Variants in PCNX1 observed in about 807,000 individuals in gnomAD.
PCNX1 encodes pecanex-like protein 1.
Under a neutral mutation model 242.2 loss-of-function variants are expected in PCNX1, and 78 were observed. The ratio of observed to expected loss-of-function variants is 0.32; its 90% CI spans 0.27 to 0.39. The LOEUF (loss-of-function observed/expected upper bound fraction) is 0.39, where lower values mean the gene tolerates loss of function less well. Ranked by LOEUF, PCNX1 falls within the 10% of genes least tolerant of loss-of-function variation. The pLI is 1.00. For missense variants in PCNX1, 2,581 were observed against 2,856.5 expected (o/e 0.90, Z 2.20); for synonymous variants, 1,024 against 1,032.9 (o/e 0.99, Z 0.17).
chr14:70,923,472 A>G (rs1321278936), intron 1 of PCNX1, among the ~76,000 whole-genome samples: 1 of 152,202 alleles, frequency 6.6e-6, no homozygotes, highest in Non-Finnish European at 1.5e-5. Context: ...TTAAAAACCA[A>G]CAAAACTCCA....
chr14:71,087,296 T>C (rs1211229800), intron 28 of PCNX1, among the ~76,000 whole-genome samples: 2 of 152,216 alleles, frequency 1.3e-5, no homozygotes, highest in Admixed American at 1.3e-4. Context: ...AGAGGTAATA[T>C]GTCTTTAGAA....
At chr14:71,052,689 C>T (rs1378385841) in intron 24 of PCNX1, among the ~76,000 whole-genome samples, 2 of 152,084 alleles carry the variant, frequency 1.3e-5, no homozygotes, top group Non-Finnish European at 2.9e-5. Context: ...AAATACCTGG[C>T]TATTTCTAAA....
intron 1 of PCNX1, among the ~76,000 whole-genome samples, chr14:70,925,725 C>A (rs970977383): frequency 9.2e-5 from 14 of 151,992 alleles, no homozygotes; most frequent in Non-Finnish European, 1.8e-4. Flanking sequence ...TACCCATGCA[C>A]CATATGCTTT....
chr14:70,939,933 C>CA (rs1430995835), intron 1 of PCNX1, among the ~76,000 whole-genome samples: 1 of 152,152 alleles, frequency 6.6e-6, no homozygotes, highest in African/African-American at 2.4e-5. Context: ...TCTGTCTTAT[C>CA]AGAGACTAGG....
rs962024863 is a variant in PCNX1 at position 70,978,266 on chromosome 14, A to G, written c.1929A>G (p.Leu643=). Residue 643 remains leucine (L), a synonymous_variant, in exon 6 of 36, where the codon CTA becomes CTG. Transcript: ENST00000304743. ...CQSPEGRYSA[L]KTKHTHKERG... ...CTCCTGAGGGCAGATACAGTGCTCT[A>G]AAGACCAAACACACTCATAAAGAAA... The G allele has an allele frequency of 1.2e-5, 19 of 1,614,142 alleles. No homozygotes were observed. The highest frequency in any genetic ancestry group is 1.6e-5 in the Non-Finnish European group (19 of 1,180,018).
intron 28 of PCNX1, among the ~76,000 whole-genome samples, chr14:71,077,505 C>T (rs960858939): frequency 6.6e-6 from 1 of 152,290 alleles, no homozygotes; most frequent in South Asian, 2.1e-4. Flanking sequence ...TAGAGTAAGA[C>T]AGCCATCATA....
intron 13 of PCNX1, among the ~76,000 whole-genome samples, chr14:71,023,982 A>C (rs1395273053): frequency 6.6e-6 from 1 of 152,150 alleles, no homozygotes; most frequent in East Asian, 1.9e-4. Flanking sequence ...ATATTTTTGA[A>C]GTGTAATGAT....
intron 6 of PCNX1, among the ~76,000 whole-genome samples, chr14:70,978,994 A>T (rs2058759695): frequency 6.6e-6 from 1 of 152,166 alleles, no homozygotes; most frequent in Non-Finnish European, 1.5e-5. Context: ...ATATATAATT[A>T]TTTAAGGGCA....
chr14:71,024,368 A>G (rs80281454), intron 13 of PCNX1, among the ~76,000 whole-genome samples: 24 of 152,280 alleles, frequency 1.6e-4, no homozygotes, highest in African/African-American at 5.8e-4. Flanking sequence ...GATTATGTTT[A>G]GTCTCTTAAA....
At chr14:71,050,559 C>T (rs2060998547) in intron 22 of PCNX1, 93 bp from the exon 23 acceptor site, 1 of 1,176,578 alleles carries the variant, frequency 8.5e-7, no homozygotes, top group African/African-American at 1.6e-5. Context: ...AGGAGAACTT[C>T]TCCTAATACA....
chr14:71,061,345 G>T (rs1203458495), intron 26 of PCNX1, among the ~76,000 whole-genome samples: 2 of 152,170 alleles, frequency 1.3e-5, no homozygotes, highest in African/African-American at 2.4e-5. Flanking sequence ...CTCCTGAATT[G>T]CTCTGCCAGC....
In PCNX1 at chr14:71,103,641, A is replaced by G. The variant is rs141296301; in HGVS notation, c.6067A>G (p.Arg2023Gly). ...GGGTCCTATCAGCTTGGGAAATATCAGGAACTTCATAGTGTCAACCTGGCA... is the reference window on the plus strand; with the variant it reads ...GGGTCCTATCAGCTTGGGAAATATCGGGAACTTCATAGTGTCAACCTGGCA... The part of the protein sequence containing the change: ...LGGPISLGNI[R>G]NFIVSTWHRL... Residue 2023 changes from arginine to glycine, a missense_variant, in exon 32 of 36, where the codon AGG becomes GGG. Arg to Gly is a moderately radical substitution (Grantham distance 125, BLOSUM62 -2). This residue lies in a region of PCNX1 where 432 missense variants were observed against 433.6 expected (regional missense o/e 1.00). Transcript: ENST00000304743. 178 of 1,614,008 alleles carry G rather than the reference A, an allele frequency of 1.1e-4. No homozygotes were observed. The highest frequency in any genetic ancestry group is 1.5e-4 in the Non-Finnish European group (172 of 1,179,986).
chr14:71,096,565 G>T (rs1420370204), intron 30 of PCNX1, among the ~76,000 whole-genome samples: 1 of 152,124 alleles, frequency 6.6e-6, no homozygotes, highest in Non-Finnish European at 1.5e-5. Context: ...TACAAAGATG[G>T]CATTCCTTTC....
At chr14:70,929,779 G>C (rs1780010060) in intron 1 of PCNX1, among the ~76,000 whole-genome samples, 1 of 152,158 alleles carries the variant, frequency 6.6e-6, no homozygotes, top group African/African-American at 2.4e-5. Flanking sequence ...CCTGTGTTAG[G>C]TAACTCATAA....
chr14:70,993,278 G>A (rs1351101974), intron 7 of PCNX1, among the ~76,000 whole-genome samples: 2 of 151,272 alleles, frequency 1.3e-5, no homozygotes, highest in Non-Finnish European at 1.5e-5. Context: ...CCGCCACCAT[G>A]CCCGGCTAAT....
chr14:71,008,655 CAAA>C (rs777494885), intron 8 of PCNX1, among the ~76,000 whole-genome samples: 719 of 32,678 alleles, frequency 0.022, 13 homozygotes, highest in African/African-American at 0.053. Context: ...GACTCTGTCT[CAAA>C]AAAAAAAAAA....
intron 22 of PCNX1, 116 bp from the exon 23 acceptor site, chr14:71,050,536 C>T: frequency 1.2e-6 from 1 of 836,464 alleles, no homozygotes. Flanking sequence ...AATTTCAATG[C>T]CATTTCCCTA....
chr14:70,986,316 T>A (rs2059000741), intron 6 of PCNX1, among the ~76,000 whole-genome samples: 1 of 152,230 alleles, frequency 6.6e-6, no homozygotes, highest in Non-Finnish European at 1.5e-5. Context: ...TAATCATAAT[T>A]CCACTTTAAC....
chr14:71,066,923 G>A (rs142446137), intron 26 of PCNX1, among the ~76,000 whole-genome samples: 141 of 152,168 alleles, frequency 9.3e-4, no homozygotes, highest in East Asian at 4.2e-3. Context: ...ATTGATTTGC[G>A]TATGTTGAAC....
Sources: gnomAD v4.1 joint callset for allele counts (sites outside exome capture counted in the v4.1 genomes callset) on GRCh38, gnomAD v4.1.1 for gene constraint, gnomAD v4.1.1 regional missense constraint, MANE v1.5 for transcripts, NCBI Gene and HGNC (gene_info 2026-07-23, HGNC 2026-07-21) for gene names.